The following CFAP298 variants were observed in gnomAD, a reference collection of about 807,000 sequenced individuals.
The protein encoded by CFAP298 is cilia and flagella associated protein 298, also known as cilia- and flagella-associated protein 298.
In CFAP298, 38 loss-of-function variants were observed where a neutral mutation model predicts 41.0. That is an observed-to-expected ratio of 0.93 (90% confidence interval 0.72 to 1.22). The LOEUF is 1.22. Among genes scored for constraint, CFAP298 ranks in the 50% most tolerant of loss-of-function variants. The pLI is 0.00. For synonymous variants in CFAP298, 137 were observed against 135.3 expected, an observed-to-expected ratio of 1.01 and a Z score of -0.09; for missense variants, 348 against 360.3, an observed-to-expected ratio of 0.97 and a Z score of 0.28.
At chr21:32,602,094 T>TG in intron 6 of CFAP298, 121 bp from the exon 7 acceptor site, 1 of 854,938 alleles carries the variant, frequency 1.2e-6, no homozygotes, top group East Asian at 2.5e-5. Flanking sequence ...AGCAGGATAC[T>TG]GCCATGTCTA....
chr21:32,611,023 C>G (rs76723053), intron 1 of CFAP298, among the ~76,000 whole-genome samples: 3,463 of 151,936 alleles, frequency 0.023, 109 homozygotes, highest in African/African-American at 0.074. Flanking sequence ...ATTAAAATGA[C>G]CCAGACGCGA....
Position 32,601,661 on chromosome 21 carries a change from TAC to T in CFAP298, c.*200_*201del, listed in dbSNP as rs1305132355. 4.0e-6 allele frequency: 2 copies of T among 496,630 alleles called. No individual in the cohort carries two copies. The highest frequency in any genetic ancestry group is 7.2e-6 in the Non-Finnish European group (2 of 279,602). 30.8% of individuals were successfully genotyped at this position (496,630 alleles called of 1,614,324 possible). On this transcript the variant is annotated 3_prime_UTR_variant, in exon 7 of 7. Coordinates refer to ENST00000290155, the MANE Select transcript of CFAP298 (RefSeq NM_021254.4). ...AAATAGTCCTGAAACAAAAACGATT[TAC>T]ACATTTTCTTCTGACTAGGTATTTA... is the stretch of plus-strand genomic sequence containing the variant.
intron 4 of CFAP298, 79 bp from the exon 5 acceptor site, chr21:32,603,371 G>A: frequency 6.6e-7 from 1 of 1,512,278 alleles, no homozygotes; most frequent in Non-Finnish European, 9.1e-7. Flanking sequence ...TCCCAGCAGG[G>A]GGCAGGGGAC....
At position 32,609,842 on chromosome 21, in the gene CFAP298, C is replaced by A. The variant is rs2146569585; in HGVS notation, c.303G>T (p.Gly101=). ...FKKDDIGRRN[G]QAPNEKMKQV... ...AGAAGAGAAATCCTCACTTACCTTG[C>A]CCATTCCTTCGTCCAATATCATCCT... Residue 101 remains glycine, a synonymous_variant, in exon 2 of 7, where the codon GGG becomes GGT. Coordinates refer to ENST00000290155, the MANE Select transcript of CFAP298 (RefSeq NM_021254.4). 3 of 1,613,124 alleles carry A rather than the reference C, an allele frequency of 1.9e-6. No homozygotes were observed. Among genetic ancestry groups the A allele is most frequent in the Non-Finnish European group, 2.5e-6 (3 of 1,179,314 alleles).
At chr21:32,605,697 T>A (rs1013564798) in intron 3 of CFAP298, among the ~76,000 whole-genome samples, 2 of 152,174 alleles carry the variant, frequency 1.3e-5, no homozygotes, top group Non-Finnish European at 2.9e-5. Context: ...GACACAAGTA[T>A]GGGTGGCCTG....
chr21:32,609,882 C>A lies in CFAP298; in HGVS notation c.263G>T (p.Gly88Val). 1.2e-6 allele frequency: 2 copies of A among 1,614,198 alleles called. No individual in the cohort carries two copies. The highest frequency in any genetic ancestry group is 1.7e-6 in the Non-Finnish European group (2 of 1,180,012). Reference sequence around the variant, plus strand: ...AATATCATCCTTTTTAAACACTGCACCTCCGCTGGGTACGCATTTTTCACC... The same window carrying A: ...AATATCATCCTTTTTAAACACTGCAACTCCGCTGGGTACGCATTTTTCACC... ...EWGEKCVPSG[G>V]AVFKKDDIGR... The change falls in exon 2 of 7, where the codon GGT (glycine) becomes GTT (valine). Residue 88 changes from glycine to valine, a missense_variant. Coordinates refer to ENST00000290155, the MANE Select transcript of CFAP298 (RefSeq NM_021254.4).
intron 3 of CFAP298, 34 bp downstream of exon 3, chr21:32,607,615 A>C: frequency 2.4e-6 from 3 of 1,270,330 alleles, no homozygotes; most frequent in Non-Finnish European, 3.3e-6. Flanking sequence ...AAAAAAACCC[A>C]ACAAGTTTTA....
intron 3 of CFAP298, among the ~76,000 whole-genome samples, chr21:32,606,597 A>G (rs754477809): frequency 6.6e-6 from 1 of 152,202 alleles, no homozygotes; most frequent in African/African-American, 2.4e-5. Context: ...AGCCTTTCCT[A>G]TATTAACAGG....
rs2038954625 is a variant in CFAP298, at chr21:32,609,997, C to A, written c.148G>T (p.Glu50Ter). ...AGAAATATGCCATGTTCGGCTAATTCTTCCATTTCTTAAAAATAAGTGAAA... is the reference window on the plus strand; with the variant it reads ...AGAAATATGCCATGTTCGGCTAATTATTCCATTTCTTAAAAATAAGTGAAA... ...KVQRLCSEME[E>*]LAEHGIFLPP... The change falls in exon 2 of 7, where the codon GAA becomes TAA. Residue 50 changes from glutamate (E) to a stop codon, truncating the protein, a stop_gained. Coordinates refer to ENST00000290155, the MANE Select transcript of CFAP298 (RefSeq NM_021254.4). LOFTEE classifies it high-confidence loss of function. 1 of 1,612,598 alleles carries A rather than the reference C, an allele frequency of 6.2e-7. No homozygotes were observed. Among genetic ancestry groups the A allele is most frequent in the African/African-American group, 1.3e-5 (1 of 74,508 alleles).
intron 2 of CFAP298, among the ~76,000 whole-genome samples, chr21:32,607,933 G>T (rs2038904152): frequency 6.6e-6 from 1 of 152,152 alleles, no homozygotes; most frequent in Non-Finnish European, 1.5e-5. Context: ...ACGCAAAGTG[G>T]CAAAGGCTAC....
At chr21:32,602,141 G>T in intron 6 of CFAP298, 131 bp downstream of exon 6, 2 of 954,892 alleles carry the variant, frequency 2.1e-6, no homozygotes, top group Non-Finnish European at 3.3e-6. Context: ...CGACAGACCT[G>T]CAGACAGAAG....
At chr21:32,609,161 A>G (rs924290082) in intron 2 of CFAP298, among the ~76,000 whole-genome samples, 3 of 152,190 alleles carry the variant, frequency 2.0e-5, no homozygotes, top group Admixed American at 1.3e-4. Context: ...TCTTTCACAC[A>G]GTCCATCTCG....
chr21:32,601,677 A>C lies in CFAP298; in HGVS notation c.*186T>G. 1.9e-6 allele frequency: 1 copy of C among 521,234 alleles called. No homozygotes were observed. The highest frequency in any genetic ancestry group is 3.4e-6 in the Non-Finnish European group (1 of 293,228). The allele number at this position is 521,234 out of a possible 1,614,324, so 32.3% of individuals were successfully genotyped here. A position where few individuals can be genotyped will look rare whatever the true frequency, so the allele number is the denominator to read the frequency against. On this transcript the variant is annotated 3_prime_UTR_variant, in exon 7 of 7. Transcript: ENST00000290155. ...AAAACGATTTACACATTTTCTTCTG[A>C]CTAGGTATTTATTAAGTTCTAAAAC... is the stretch of plus-strand genomic sequence containing the variant.
rs1388091821 is a variant in CFAP298 at position 32,603,191 on chromosome 21, T to C, written c.636A>G (p.Glu212=). Residue 212 remains glutamate, a synonymous_variant, in exon 5 of 7, where the codon GAA becomes GAG. Coordinates refer to ENST00000290155, the MANE Select transcript of CFAP298 (RefSeq NM_021254.4). Reference sequence around the variant, plus strand: ...GAATCTTGGCGATAATTTTGGTTTTTTCATTCTTCCCCACGTAGTCTGAAA... The same window carrying C: ...GAATCTTGGCGATAATTTTGGTTTTCTCATTCTTCCCCACGTAGTCTGAAA... The part of the protein sequence containing the change: ...KKLSDYVGKN[E]KTKIIAKIQQ... 1.9e-6 allele frequency: 3 copies of C among 1,614,250 alleles called. No individual in the cohort carries two copies. In the African/African-American group the frequency reaches 4.0e-5, roughly 22 times the overall value.
At chr21:32,605,375 C>T (rs567916712) in intron 3 of CFAP298, among the ~76,000 whole-genome samples, 2 of 152,280 alleles carry the variant, frequency 1.3e-5, no homozygotes, top group Non-Finnish European at 2.9e-5. Context: ...CATACCTGAG[C>T]TTGTGCTAAT....
intron 3 of CFAP298, among the ~76,000 whole-genome samples, chr21:32,604,976 C>T (rs2038836226): frequency 1.3e-5 from 2 of 152,152 alleles, no homozygotes; most frequent in Admixed American, 6.5e-5. Flanking sequence ...GTCAGCAGTT[C>T]GAGACCAGCC....
chr21:32,602,763 C>A (rs181786026), intron 5 of CFAP298: 11 of 1,307,792 alleles, frequency 8.4e-6, no homozygotes, highest in Non-Finnish European at 1.1e-5. Context: ...CAGGTTACAG[C>A]GCTACACGAT....
chr21:32,609,244 A>G (rs2038936902), intron 2 of CFAP298, among the ~76,000 whole-genome samples: 1 of 152,204 alleles, frequency 6.6e-6, no homozygotes, highest in Admixed American at 6.5e-5. Context: ...CCTGCCAACA[A>G]TTATTAGGTG....
chr21:32,609,641 T>C (rs2038944160), intron 2 of CFAP298, among the ~76,000 whole-genome samples, 197 bp downstream of exon 2: 1 of 152,152 alleles, frequency 6.6e-6, no homozygotes, highest in African/African-American at 2.4e-5. Context: ...GGCACATGCC[T>C]GTAGTCCCAG....
Sources: gnomAD v4.1 joint callset for allele counts (sites outside exome capture counted in the v4.1 genomes callset) on GRCh38, gnomAD v4.1.1 for gene constraint, MANE v1.5 for transcripts, NCBI Gene and HGNC (gene_info 2026-07-23, HGNC 2026-07-21) for gene names.